Variants in EFR3B observed in about 807,000 individuals in gnomAD.
EFR3B encodes EFR3 homolog B, also known as protein EFR3 homolog B.
Under a neutral mutation model 104.7 loss-of-function variants are expected in EFR3B, and 64 were observed. The ratio of observed to expected loss-of-function variants is 0.61; its 90% confidence interval spans 0.50 to 0.75. The LOEUF (loss-of-function observed/expected upper bound fraction) is 0.75. EFR3B is among the 30% of genes least tolerant of loss of function. The pLI is 0.00. For missense variants in EFR3B, 750 were observed against 1,078.5 expected (o/e 0.70, Z 4.27); for synonymous variants, 385 against 417.9 (o/e 0.92, Z 0.96).
chr2:25,134,881 G>C (rs922604588), intron 12 of EFR3B, among the ~76,000 whole-genome samples: 2 of 152,218 alleles, frequency 1.3e-5, no homozygotes, highest in Admixed American at 6.5e-5. Context: ...TAACAGTAAA[G>C]GTGCTTTGCT....
rs1262412391 is a variant in EFR3B, at chr2:25,131,817, G to A, written c.1053G>A (p.Leu351=). 6.5e-7 allele frequency: 1 copy of A among 1,549,934 alleles called. No individual in the cohort carries two copies. Among genetic ancestry groups the A allele is most frequent in the East Asian group, 2.4e-5 (1 of 40,904 alleles). ...TGCGGCTCAGCATCGACTACGCGCT[G>A]ACCGGGAGCTACGACGGGGCGGTCA... is the stretch of plus-strand genomic sequence containing the variant. ...RQLRLSIDYA[L]TGSYDGAVSL... The change falls in exon 10 of 23, where the codon CTG becomes CTA. Residue 351 remains leucine (L), a synonymous_variant. Coordinates refer to ENST00000403714, the MANE Select transcript of EFR3B (RefSeq NM_014971.2). The surrounding 1 kb of genome is among the most constrained non-coding windows in gnomAD (Gnocchi z 7.6).
intron 20 of EFR3B, among the ~76,000 whole-genome samples, chr2:25,150,738 G>A (rs911598096): frequency 9.9e-5 from 15 of 151,560 alleles, no homozygotes; most frequent in African/African-American, 1.9e-4. Flanking sequence ...AGCCTCCCGC[G>A]TGACTGGGAT....
rs1226459858 is a variant in EFR3B at position 25,155,896 on chromosome 2, G to A, written c.*1556G>A. ...CTAGAGATGGGGGTCTCACTATGTT[G>A]CCCAGGCTGGCCTCGAACTCCTGAG... On this transcript the variant is annotated 3_prime_UTR_variant, in exon 23 of 23. Transcript: ENST00000403714. 1 of 150,786 alleles carries A rather than the reference G, an allele frequency of 6.6e-6. No homozygotes were observed. Among genetic ancestry groups the A allele is most frequent in the East Asian group, 1.9e-4 (1 of 5,134 alleles). The allele number at this position is 150,786 out of a possible 1,614,324, so 9.3% of individuals were successfully genotyped here. A position where few individuals can be genotyped will look rare whatever the true frequency, so the allele number is the denominator to read the frequency against.
At chr2:25,084,210 GTT>G (rs2149181088) in intron 1 of EFR3B, among the ~76,000 whole-genome samples, 1 of 151,840 alleles carries the variant, frequency 6.6e-6, no homozygotes, top group South Asian at 2.1e-4. Context: ...ACAGGTCTCA[GTT>G]AATTAATTAT....
At chr2:25,129,772 C>T (rs2149204756) in intron 6 of EFR3B, among the ~76,000 whole-genome samples, 1 of 152,326 alleles carries the variant, frequency 6.6e-6, no homozygotes. Flanking sequence ...CTTTTCTTCT[C>T]CGGTCTTCCC....
intron 1 of EFR3B, among the ~76,000 whole-genome samples, chr2:25,065,855 G>C (rs1008514514): frequency 2.6e-5 from 4 of 152,090 alleles, no homozygotes; most frequent in Non-Finnish European, 4.4e-5. Context: ...ATGGGCAGGT[G>C]CTGGGAGGCT....
intron 3 of EFR3B, among the ~76,000 whole-genome samples, chr2:25,100,296 A>G (rs1245293743): frequency 6.6e-6 from 1 of 152,228 alleles, no homozygotes; most frequent in Non-Finnish European, 1.5e-5. Context: ...CTTTTAATTC[A>G]TCCTTTATTA....
At position 25,131,108 on chromosome 2, in the gene EFR3B, T is replaced by A. The variant is rs1670316036; in HGVS notation, c.850-260T>A. 6.6e-6 allele frequency among the ~76,000 whole-genome samples: 1 copy of A among 152,210 alleles called. No homozygotes were observed. The highest frequency in any genetic ancestry group is 2.4e-5 in the African/African-American group (1 of 41,462). On this transcript the variant is annotated intron_variant, in intron 8 of 22. Transcript: ENST00000403714. This position sits in a 1 kb window ranked among gnomAD's most constrained non-coding sequence, Gnocchi z 7.6. Reference sequence around the variant, plus strand: ...AAGAAATGAAAGGAAGACCCTATTTTAAAATGGTCTTTTGACCAATTTTGA... The same window carrying A: ...AAGAAATGAAAGGAAGACCCTATTTAAAAATGGTCTTTTGACCAATTTTGA...
chr2:25,149,836 G>A lies in EFR3B; in HGVS notation c.2191+94G>A, dbSNP rs552701611. The A allele has an allele frequency of 3.4e-5, 39 of 1,160,810 alleles. No individual in the cohort carries two copies. The East Asian group carries it at 6.4e-4, about 19-fold the overall frequency. 71.9% of individuals were successfully genotyped at this position (1,160,810 alleles called of 1,614,324 possible). A position where few individuals can be genotyped will look rare whatever the true frequency, so the allele number is the denominator to read the frequency against. On this transcript the variant is annotated intron_variant, in intron 20 of 22. Transcript: ENST00000403714. ...GATGCAGCAGGACACACCACCCTCC[G>A]CAGTGGGATCCAGCACCTGCGTGAA...
At chr2:25,086,763 T>G (rs1668961685) in intron 1 of EFR3B, among the ~76,000 whole-genome samples, 1 of 152,074 alleles carries the variant, frequency 6.6e-6, no homozygotes. Context: ...TGGCTAATTT[T>G]TGTATCTTTA....
At chr2:25,126,915 C>T (rs769266178) in intron 5 of EFR3B, among the ~76,000 whole-genome samples, 13 of 151,766 alleles carry the variant, frequency 8.6e-5, no homozygotes, top group East Asian at 3.9e-4. Context: ...AACGTTTGGC[C>T]AGGCACGGTG....
intron 1 of EFR3B, chr2:25,057,888 G>C (rs1268369620): frequency 7.9e-5 from 12 of 152,076 alleles, no homozygotes; most frequent in Admixed American, 7.9e-4. Flanking sequence ...TACAGAATGG[G>C]AGAAAATATT....
chr2:25,139,404 G>C (rs747769858), intron 16 of EFR3B, among the ~76,000 whole-genome samples: 16 of 151,910 alleles, frequency 1.1e-4, no homozygotes, highest in African/African-American at 2.9e-4. Context: ...GGTTGGGGGG[G>C]GTCTTCTATA....
chr2:25,112,181 T>C (rs1669740154), intron 4 of EFR3B, among the ~76,000 whole-genome samples: 1 of 152,214 alleles, frequency 6.6e-6, no homozygotes, highest in Non-Finnish European at 1.5e-5. Flanking sequence ...GGTTCAAAAA[T>C]CAGCACTGCT....
intron 1 of EFR3B, among the ~76,000 whole-genome samples, chr2:25,060,916 G>T (rs987299431): frequency 8.5e-6 from 1 of 117,170 alleles, no homozygotes; most frequent in African/African-American, 3.4e-5. Context: ...ACGAGACTCC[G>T]AATCAAAAAA....
At chr2:25,098,782 C>G (rs371017734) in intron 3 of EFR3B, among the ~76,000 whole-genome samples, 30 of 149,968 alleles carry the variant, frequency 2.0e-4, no homozygotes, top group Admixed American at 9.3e-4. Flanking sequence ...TAATTTTCAC[C>G]TTCTACCAAA....
chr2:25,111,360 C>T (rs949033087), intron 4 of EFR3B, among the ~76,000 whole-genome samples: 8 of 151,060 alleles, frequency 5.3e-5, no homozygotes, highest in African/African-American at 1.5e-4. Flanking sequence ...CCTGGGATCA[C>T]GCCCATTTCT....
intron 3 of EFR3B, among the ~76,000 whole-genome samples, chr2:25,099,870 TAAAA>T (rs59603684): frequency 1.4e-5 from 2 of 138,958 alleles, no homozygotes. Context: ...AAACTTTGTT[TAAAA>T]AAAAAAAAAA....
intron 4 of EFR3B, among the ~76,000 whole-genome samples, chr2:25,120,578 A>G (rs1209952397): frequency 6.6e-6 from 1 of 152,072 alleles, no homozygotes; most frequent in Non-Finnish European, 1.5e-5. Context: ...CGGGAGGTGG[A>G]GGTTGTAGTG....
Sources: gnomAD v4.1 joint callset for allele counts (sites outside exome capture counted in the v4.1 genomes callset) on GRCh38, gnomAD v4.1.1 for gene constraint, Gnocchi (gnomAD v3.1) non-coding constraint, MANE v1.5 for transcripts, NCBI Gene and HGNC (gene_info 2026-07-23, HGNC 2026-07-21) for gene names.